Variants in FER observed in about 807,000 individuals in gnomAD.
The protein encoded by FER is FER tyrosine kinase.
FER carries 63 observed loss-of-function variants against 111.0 expected under a neutral mutation model. The observed-to-expected ratio is 0.57, with a 90% CI of 0.46 to 0.70. The LOEUF (loss-of-function observed/expected upper bound fraction) is 0.70. Ranked by LOEUF, FER falls within the 30% of genes least tolerant of loss-of-function variation. FER has a pLI of 0.00. For synonymous variants in FER, 327 were observed against 313.9 expected (o/e 1.04, Z -0.44); for missense variants, 914 against 954.0 (o/e 0.96, Z 0.55).
At chr5:109,049,109 T>G (rs773461454) in intron 16 of FER, among the ~76,000 whole-genome samples, 3 of 152,216 alleles carry the variant, frequency 2.0e-5, no homozygotes, top group Non-Finnish European at 4.4e-5. Flanking sequence ...GATTGTTGGA[T>G]CCGAGTTTCT....
intron 10 of FER, among the ~76,000 whole-genome samples, chr5:108,909,330 A>G (rs1334544700): frequency 2.0e-5 from 3 of 152,198 alleles, no homozygotes; most frequent in African/African-American, 7.2e-5. Flanking sequence ...AAGCTTAAGG[A>G]TCCACTGTTA....
At chr5:109,102,305 G>A (rs1451243464) in intron 17 of FER, among the ~76,000 whole-genome samples, 4 of 152,034 alleles carry the variant, frequency 2.6e-5, no homozygotes, top group Non-Finnish European at 5.9e-5. Context: ...ATAGACCTAT[G>A]CCATTTGCCT....
At chr5:108,975,914 C>G (rs1039958872) in intron 13 of FER, among the ~76,000 whole-genome samples, 1 of 151,930 alleles carries the variant, frequency 6.6e-6, no homozygotes, top group Non-Finnish European at 1.5e-5. Context: ...CTATAGGAAG[C>G]CAGGTTAAGG....
intron 5 of FER, among the ~76,000 whole-genome samples, chr5:108,862,203 T>A (rs1763589654): frequency 1.3e-5 from 2 of 152,322 alleles, no homozygotes; most frequent in South Asian, 4.1e-4. Flanking sequence ...TTGTTATTAA[T>A]GACCATTGGT....
chr5:109,016,781 G>A (rs1018778630), intron 13 of FER, among the ~76,000 whole-genome samples: 82 of 152,050 alleles, frequency 5.4e-4, no homozygotes, highest in African/African-American at 1.9e-3. Context: ...GCTATGCACA[G>A]AATTAAGTTC....
chr5:109,176,305 AAAG>A (rs1408152383), intron 17 of FER, among the ~76,000 whole-genome samples: 10 of 152,216 alleles, frequency 6.6e-5, no homozygotes, highest in Non-Finnish European at 1.3e-4. Flanking sequence ...ACCTGTTTAA[AAAG>A]AATGAAATCC....
At chr5:108,812,118 G>A (rs563876634) in intron 3 of FER, among the ~76,000 whole-genome samples, 1 of 152,294 alleles carries the variant, frequency 6.6e-6, no homozygotes, top group African/African-American at 2.4e-5. Flanking sequence ...AGAGAGGGAT[G>A]CTGAAATCTC....
intron 11 of FER, among the ~76,000 whole-genome samples, chr5:108,946,583 A>G (rs1757017020): frequency 6.6e-6 from 1 of 152,088 alleles, no homozygotes; most frequent in African/African-American, 2.4e-5. Context: ...ACCTTTTTAC[A>G]GTAGGGATTA....
At position 108,867,874 on chromosome 5, in the gene FER, A is replaced by C; in HGVS notation, c.589A>C (p.Asn197His). 1 of 1,613,418 alleles carries C rather than the reference A, an allele frequency of 6.2e-7. No homozygotes were observed. The highest frequency in any genetic ancestry group is 8.5e-7 in the Non-Finnish European group (1 of 1,179,568). ...LALKGAQLHQ[N>H]QYYDITLPLL... ...GTTGAAAGGGGCACAGCTCCATCAGAATCAGTATTATGATATCACACTTCC... is the reference window on the plus strand; with the variant it reads ...GTTGAAAGGGGCACAGCTCCATCAGCATCAGTATTATGATATCACACTTCC... Residue 197 changes from asparagine (N) to histidine (H), a missense_variant, in exon 6 of 20, where the codon AAT becomes CAT. Physicochemically the swap from Asn to His is moderately conservative, Grantham distance 68. This residue lies in a region of FER where 774 missense variants were observed against 782.6 expected (regional missense o/e 0.99). Transcript: ENST00000281092.
chr5:108,828,940 T>TA (rs1263782936), intron 3 of FER, among the ~76,000 whole-genome samples: 3 of 152,098 alleles, frequency 2.0e-5, no homozygotes, highest in Non-Finnish European at 4.4e-5. Context: ...TCTATTTTTT[T>TA]AAAAAAAGAA....
rs1189030206 is a variant in FER, at chr5:109,189,770, G to A, written c.*2195G>A. On this transcript the variant is annotated 3_prime_UTR_variant, in exon 20 of 20. Coordinates refer to ENST00000281092, the MANE Select transcript of FER (RefSeq NM_005246.4). ...CTCTCAGCAAGGAGAGAGAATGATG[G>A]TTTTGGCTTTAGTTTTATGAACAAG... 1 of 152,054 alleles carries A rather than the reference G, an allele frequency of 6.6e-6. No homozygotes were observed. The highest frequency in any genetic ancestry group is 1.9e-4 in the East Asian group (1 of 5,186). The allele number at this position is 152,054 out of a possible 1,614,324, so 9.4% of individuals were successfully genotyped here. A position where few individuals can be genotyped will look rare whatever the true frequency, so the allele number is the denominator to read the frequency against.
intron 16 of FER, among the ~76,000 whole-genome samples, chr5:109,072,051 T>C (rs901698995): frequency 3.3e-5 from 5 of 151,834 alleles, no homozygotes; most frequent in African/African-American, 1.2e-4. Flanking sequence ...ATATTTTAGG[T>C]TCACATTTTT....
intron 13 of FER, among the ~76,000 whole-genome samples, chr5:108,969,616 T>TTTTTTTTTTTTTTTTTTGAGACGGA (rs1561695264): frequency 5.4e-5 from 8 of 149,046 alleles, no homozygotes; most frequent in African/African-American, 2.1e-4. Flanking sequence ...TTAATTTTTT[T>TTTTTTTTTTTTTTTTTTGAGACGGA]GAACACTGTG....
chr5:108,951,583 A>T (rs890563540), intron 11 of FER, among the ~76,000 whole-genome samples: 1 of 152,226 alleles, frequency 6.6e-6, no homozygotes, highest in Non-Finnish European at 1.5e-5. Flanking sequence ...CTAAATTTAC[A>T]TGAGAATAGA....
intron 1 of FER, among the ~76,000 whole-genome samples, chr5:108,763,968 T>A (rs1034430971): frequency 6.6e-6 from 1 of 152,188 alleles, no homozygotes; most frequent in Non-Finnish European, 1.5e-5. Context: ...TCCTTCCTGA[T>A]TAGCTTCTGC....
At position 109,031,626 on chromosome 5, in the gene FER, A is replaced by G. The variant is rs560255523; in HGVS notation, c.1657-5796A>G. On this transcript the variant is annotated intron_variant, in intron 13 of 19. Transcript: ENST00000281092. ...GTACATTTCTAGTTTTTCACTGAAC[A>G]TTACTCCCCTTTAAGAAGTCTTTGC... 6.6e-4 allele frequency among the ~76,000 whole-genome samples: 100 copies of G among 152,282 alleles called. 1 individual carries two copies. The highest frequency in any genetic ancestry group is 1.2e-3 in the Non-Finnish European group (85 of 68,022).
intron 17 of FER, among the ~76,000 whole-genome samples, chr5:109,146,393 C>G (rs6883750): frequency 0.39 from 57,225 of 145,920 alleles, 11,480 homozygotes; most frequent in Non-Finnish European, 0.42. Context: ...GAAATCCCCT[C>G]ATCCAGCTGG....
intron 3 of FER, among the ~76,000 whole-genome samples, chr5:108,809,005 C>T (rs953201005): frequency 6.6e-6 from 1 of 152,156 alleles, no homozygotes; most frequent in Non-Finnish European, 1.5e-5. Context: ...ACCTTTTTCT[C>T]AGCTGCCTTT....
intron 16 of FER, among the ~76,000 whole-genome samples, chr5:109,095,008 A>G (rs955863973): frequency 2.6e-5 from 4 of 152,064 alleles, no homozygotes; most frequent in African/African-American, 9.7e-5. Flanking sequence ...AATACAGTGA[A>G]ATGTACTCTT....
Sources: gnomAD v4.1 joint callset for allele counts (sites outside exome capture counted in the v4.1 genomes callset) on GRCh38, gnomAD v4.1.1 for gene constraint, gnomAD v4.1.1 regional missense constraint, MANE v1.5 for transcripts, NCBI Gene and HGNC (gene_info 2026-07-23, HGNC 2026-07-21) for gene names.